The following MACROD2 variants were observed in gnomAD, a reference collection of about 807,000 sequenced individuals.
The protein encoded by MACROD2 is ADP-ribose glycohydrolase MACROD2.
Under a neutral mutation model 70.4 loss-of-function variants are expected in MACROD2, and 36 were observed. That is an observed-to-expected ratio of 0.51 (90% confidence interval 0.39 to 0.68). The LOEUF (loss-of-function observed/expected upper bound fraction) is 0.68. Ranked by LOEUF, MACROD2 falls within the 30% of genes least tolerant of loss-of-function variation. The probability of loss-of-function intolerance (pLI) is 0.00; values close to 1 mark genes in which losing one functional copy is unlikely to be tolerated. For synonymous variants in MACROD2, 172 were observed against 178.8 expected (o/e 0.96, Z 0.30); for missense variants, 496 against 538.4 (o/e 0.92, Z 0.78).
intron 6 of MACROD2, among the ~76,000 whole-genome samples, chr20:15,288,715 C>T (rs568284237): frequency 3.9e-5 from 6 of 152,186 alleles, no homozygotes; most frequent in East Asian, 3.9e-4. Context: ...GCCTGATTCT[C>T]AGGCCTTTGG....
chr20:15,597,276 A>G (rs1448762174), intron 8 of MACROD2, among the ~76,000 whole-genome samples: 1 of 152,214 alleles, frequency 6.6e-6, no homozygotes, highest in Non-Finnish European at 1.5e-5. Context: ...TAGGGAATAT[A>G]TTGGCCTGAG....
intron 4 of MACROD2, among the ~76,000 whole-genome samples, chr20:14,598,754 A>G (rs940122860): frequency 3.3e-5 from 5 of 152,186 alleles, no homozygotes; most frequent in Non-Finnish European, 7.4e-5. Flanking sequence ...AAAGCCTTTA[A>G]TGGAGGCTGT....
At chr20:15,592,299 C>A (rs1473880489) in intron 8 of MACROD2, among the ~76,000 whole-genome samples, 1 of 152,134 alleles carries the variant, frequency 6.6e-6, no homozygotes, top group Non-Finnish European at 1.5e-5. Context: ...TAAGACAGAG[C>A]CAAGAGTTGC....
chr20:14,294,731 A>G (rs1311864177), intron 3 of MACROD2, among the ~76,000 whole-genome samples: 1 of 151,874 alleles, frequency 6.6e-6, no homozygotes, highest in Non-Finnish European at 1.5e-5. Flanking sequence ...AAGTATTTTC[A>G]GAGCTCATAA....
At chr20:14,872,911 G>A (rs1455406805) in intron 5 of MACROD2, among the ~76,000 whole-genome samples, 1 of 152,128 alleles carries the variant, frequency 6.6e-6, no homozygotes, top group Non-Finnish European at 1.5e-5. Flanking sequence ...CAGCAGGAAG[G>A]AGAATGAATG....
chr20:15,299,777 T>A (rs1364301120), intron 6 of MACROD2, among the ~76,000 whole-genome samples: 2 of 152,138 alleles, frequency 1.3e-5, no homozygotes, highest in Non-Finnish European at 2.9e-5. Context: ...CAGGACCCAG[T>A]TTGAGATTAG....
intron 5 of MACROD2, among the ~76,000 whole-genome samples, chr20:14,758,828 T>C (rs533948819): frequency 6.6e-6 from 1 of 152,292 alleles, no homozygotes; most frequent in East Asian, 1.9e-4. Flanking sequence ...AAGTAGTTTT[T>C]ATTAGGTAAA....
chr20:14,786,288 A>G (rs1481274241), intron 5 of MACROD2, among the ~76,000 whole-genome samples: 2 of 151,046 alleles, frequency 1.3e-5, no homozygotes, highest in African/African-American at 2.4e-5. Context: ...CCTTTCTTTT[A>G]AGATGGCTTG....
At chr20:15,439,820 G>A (rs1041652762) in intron 7 of MACROD2, among the ~76,000 whole-genome samples, 13 of 152,108 alleles carry the variant, frequency 8.5e-5, no homozygotes, top group African/African-American at 2.4e-4. Context: ...GAAAAGCCTC[G>A]TTTGGTCAAA....
chr20:15,528,568 G>T (rs1054564544), intron 8 of MACROD2, among the ~76,000 whole-genome samples: 1 of 152,198 alleles, frequency 6.6e-6, no homozygotes, highest in African/African-American at 2.4e-5. Flanking sequence ...ATCCTTGGGA[G>T]CCCTGCCAAG....
chr20:15,650,687 AT>A (rs2086444081), intron 8 of MACROD2, among the ~76,000 whole-genome samples: 1 of 152,228 alleles, frequency 6.6e-6, no homozygotes, highest in Non-Finnish European at 1.5e-5. Context: ...AGTTCTGTTC[AT>A]GATACTGCCT....
chr20:15,933,228 C>A, intron 10 of MACROD2, 48 bp from the exon 11 acceptor site: 1 of 1,578,604 alleles, frequency 6.3e-7, no homozygotes, highest in Non-Finnish European at 8.7e-7. Context: ...AGAGATATTT[C>A]ACAAATTGAC....
chr20:15,953,639 A>G (rs1334148556), intron 12 of MACROD2, among the ~76,000 whole-genome samples: 2 of 152,130 alleles, frequency 1.3e-5, no homozygotes, highest in Admixed American at 6.6e-5. Flanking sequence ...TTTTGTAAAA[A>G]CGTTTCTGTT....
In MACROD2 at chr20:14,868,223, T is replaced by C. The variant is rs573915637; in HGVS notation, c.418+183264T>C. On this transcript the variant is annotated intron_variant, in intron 5 of 17. Coordinates refer to ENST00000684519, the MANE Select transcript of MACROD2 (RefSeq NM_001351661.2). ...TTTTTTAAGAGACAAGTTCTCTCTT[T>C]ATTGCCCAGGCTGGAATACAGTGGT... Among the ~76,000 whole-genome samples, 6 of 151,724 alleles carry C rather than the reference T, an allele frequency of 4.0e-5. No homozygotes were observed. The South Asian group carries it at 1.3e-3, about 32-fold the overall frequency.
intron 2 of MACROD2, among the ~76,000 whole-genome samples, chr20:14,012,064 G>A (rs141916945): frequency 1.2e-3 from 189 of 151,936 alleles, no homozygotes; most frequent in African/African-American, 3.9e-3. Context: ...ATGTACCCCC[G>A]CCCAGCTAAA....
Position 15,261,751 on chromosome 20 carries a change from G to A in MACROD2, c.540+31690G>A, listed in dbSNP as rs575531640. 1.3e-3 allele frequency among the ~76,000 whole-genome samples: 197 copies of A among 151,886 alleles called. 2 individuals are homozygous for A. Among genetic ancestry groups the A allele is most frequent in the Non-Finnish European group, 1.5e-3 (100 of 67,884 alleles). ...TGAAGCTGATTGGGCCTGGAGGTTG[G>A]GATGCAAGTAACTTCTCTTGTTTAT... is the stretch of plus-strand genomic sequence containing the variant. On this transcript the variant is annotated intron_variant, in intron 6 of 17. Coordinates refer to ENST00000684519, the MANE Select transcript of MACROD2 (RefSeq NM_001351661.2).
chr20:14,000,153 C>T (rs1034672521), intron 1 of MACROD2, among the ~76,000 whole-genome samples: 9 of 152,268 alleles, frequency 5.9e-5, no homozygotes, highest in African/African-American at 2.2e-4. Context: ...TGCTTCCTTC[C>T]GTTCCCTCTT....
chr20:14,110,250 A>G (rs146225394), intron 3 of MACROD2, among the ~76,000 whole-genome samples: 8 of 152,136 alleles, frequency 5.3e-5, no homozygotes, highest in Non-Finnish European at 1.0e-4. Context: ...AAAGCCATGT[A>G]TGACAGAGCC....
intron 5 of MACROD2, among the ~76,000 whole-genome samples, chr20:14,742,248 C>A (rs2123721163): frequency 6.6e-6 from 1 of 152,142 alleles, no homozygotes; most frequent in Non-Finnish European, 1.5e-5. Flanking sequence ...CTGAGAGAAA[C>A]CACTTCAATA....
Sources: allele counts gnomAD v4.1 joint callset (sites outside exome capture counted in the v4.1 genomes callset), GRCh38; gene constraint gnomAD v4.1.1; transcripts MANE v1.5; gene names NCBI Gene and HGNC (gene_info 2026-07-23, HGNC 2026-07-21).